TRDMT1: variants seen among roughly 807,000 people sequenced by gnomAD.
The protein encoded by TRDMT1 is tRNA (cytosine(38)-C(5))-methyltransferase.
In TRDMT1, 49 loss-of-function variants were observed where a neutral mutation model predicts 51.2. The observed-to-expected ratio is 0.96, with a 90% CI of 0.76 to 1.21. The LOEUF (loss-of-function observed/expected upper bound fraction) is 1.21, where lower values mean the gene tolerates loss of function less well. Among genes scored for constraint, TRDMT1 ranks in the 50% most tolerant of loss-of-function variants. The pLI is 0.00. For synonymous variants in TRDMT1, 187 were observed against 164.6 expected (o/e 1.14, Z -1.04); for missense variants, 534 against 462.3 (o/e 1.16, Z -1.42).
At chr10:17,195,953 C>T (rs1330994818) in intron 1 of TRDMT1, among the ~76,000 whole-genome samples, 2 of 151,932 alleles carry the variant, frequency 1.3e-5, no homozygotes, top group African/African-American at 4.8e-5. Context: ...AAAAATTAAG[C>T]GGTTCATAGG....
At position 17,145,437 on chromosome 10, in the gene TRDMT1, T is replaced by G. The variant is rs1308292040; in HGVS notation, c.*3603A>C. ...GAAGAGATTAACTAGTAGACAGAGG[T>G]CCAAAGGCCATGTCTTTAAAAATTA... On this transcript the variant is annotated 3_prime_UTR_variant, in exon 11 of 11. Transcript: ENST00000377799. The G allele has an allele frequency of 1.5e-5, 15 of 985,054 alleles. No homozygotes were observed. The highest frequency in any genetic ancestry group is 1.8e-5 in the Non-Finnish European group (15 of 829,878). 61.0% of individuals were successfully genotyped at this position (985,054 alleles called of 1,614,324 possible). A position where few individuals can be genotyped will look rare whatever the true frequency, so the allele number is the denominator to read the frequency against.
chr10:17,151,315 T>A, intron 10 of TRDMT1: 1 of 985,370 alleles, frequency 1.0e-6, no homozygotes, highest in African/African-American at 1.7e-5. Flanking sequence ...AAACATGGGA[T>A]GAACAAGGTC....
intron 1 of TRDMT1, among the ~76,000 whole-genome samples, chr10:17,185,777 AC>A (rs1356202810): frequency 6.6e-6 from 1 of 152,054 alleles, no homozygotes; most frequent in African/African-American, 2.4e-5. Context: ...GAAGCTGGAA[AC>A]CATCAATCTC....
intron 1 of TRDMT1, among the ~76,000 whole-genome samples, chr10:17,177,999 T>C (rs1231582435): frequency 6.6e-6 from 1 of 152,224 alleles, no homozygotes; most frequent in African/African-American, 2.4e-5. Context: ...TTAGATAATA[T>C]AATGCAGTTT....
intron 1 of TRDMT1, among the ~76,000 whole-genome samples, chr10:17,185,047 C>G (rs568312591): frequency 6.6e-6 from 1 of 152,088 alleles, no homozygotes; most frequent in Non-Finnish European, 1.5e-5. Flanking sequence ...AGTATCTTCA[C>G]CTATTAAGAG....
intron 1 of TRDMT1, among the ~76,000 whole-genome samples, chr10:17,179,270 C>T (rs1842984407): frequency 6.6e-6 from 1 of 152,056 alleles, no homozygotes; most frequent in African/African-American, 2.4e-5. Flanking sequence ...TCGCACCAGC[C>T]CTGAAGCTTT....
chr10:17,160,652 T>C (rs561670242), intron 5 of TRDMT1, among the ~76,000 whole-genome samples: 1 of 152,178 alleles, frequency 6.6e-6, no homozygotes, highest in East Asian at 1.9e-4. Context: ...TTTGTATTTT[T>C]AGTAGATACA....
At chr10:17,177,256 G>A (rs1842736477) in intron 1 of TRDMT1, among the ~76,000 whole-genome samples, 1 of 150,890 alleles carries the variant, frequency 6.6e-6, no homozygotes, top group Non-Finnish European at 1.5e-5. Flanking sequence ...GAGTTCAGTG[G>A]CATGATCTCG....
intron 8 of TRDMT1, among the ~76,000 whole-genome samples, chr10:17,155,367 T>C (rs1289976306): frequency 6.6e-6 from 1 of 152,222 alleles, no homozygotes; most frequent in Non-Finnish European, 1.5e-5. Context: ...GGATGCACTT[T>C]ATATTCAAAT....
In TRDMT1 at chr10:17,154,677, C is replaced by G. The variant is rs775577463; in HGVS notation, c.945G>C (p.Gln315His). The G allele has an allele frequency of 1.9e-6, 3 of 1,595,670 alleles. No individual in the cohort carries two copies. Among genetic ancestry groups the G allele is most frequent in the African/African-American group, 1.4e-5 (1 of 73,876 alleles). The change falls in exon 9 of 11, where the codon CAG becomes CAC. Residue 315 changes from glutamine (Q) to histidine (H), a missense_variant and splice_region_variant. Coordinates refer to ENST00000377799, the MANE Select transcript of TRDMT1 (RefSeq NM_004412.7). ...TTTAGCTTTAAAACATGCATAGTAC[C>G]TGCACATCCTCTGCAGTCTGTAACA... ...GSVLQTAEDV[Q>H]VENIYKSLTN...
Position 17,144,120 on chromosome 10 carries a change from G to A in TRDMT1, c.*4920C>T, listed in dbSNP as rs533296413. 1.3e-5 allele frequency: 13 copies of A among 985,312 alleles called. No homozygotes were observed. Among genetic ancestry groups the A allele is most frequent in the South Asian group, 9.4e-5 (2 of 21,278 alleles). The allele number at this position is 985,312 out of a possible 1,614,324, so 61.0% of individuals were successfully genotyped here. A position where few individuals can be genotyped will look rare whatever the true frequency, so the allele number is the denominator to read the frequency against. ...GAAGGGTAGAAAGAGACCTGAGGAC[G>A]GAACCTTCAGATAAGTCAGCTCCAA... is the stretch of plus-strand genomic sequence containing the variant. On this transcript the variant is annotated 3_prime_UTR_variant, in exon 11 of 11. Coordinates refer to ENST00000377799, the MANE Select transcript of TRDMT1 (RefSeq NM_004412.7).
intron 3 of TRDMT1, 119 bp from the exon 4 acceptor site, chr10:17,162,356 A>G (rs565157168): frequency 3.5e-5 from 31 of 897,530 alleles, no homozygotes; most frequent in Non-Finnish European, 4.9e-5. Context: ...GTTGGTCCTC[A>G]CAAAAAATAG....
At chr10:17,198,139 CTAT>C (rs1235203988) in intron 1 of TRDMT1, among the ~76,000 whole-genome samples, 1 of 152,054 alleles carries the variant, frequency 6.6e-6, no homozygotes. Context: ...ATCAGAATGG[CTAT>C]TATTTTTAAA....
intron 1 of TRDMT1, among the ~76,000 whole-genome samples, chr10:17,196,666 A>G (rs1259956588): frequency 6.6e-6 from 1 of 152,244 alleles, no homozygotes; most frequent in African/African-American, 2.4e-5. Context: ...TACTGTGGCC[A>G]TCTAGAATCT....
At chr10:17,149,922 G>A (rs571879197) in intron 10 of TRDMT1, among the ~76,000 whole-genome samples, 23 of 152,128 alleles carry the variant, frequency 1.5e-4, no homozygotes, top group African/African-American at 5.3e-4. Context: ...TTTGGCTGTT[G>A]AGAATAATGC....
In TRDMT1 at chr10:17,143,208, T is replaced by G; in HGVS notation, c.*5832A>C. ...CTTTCTATGTAGCTTCAATATTGATTCCAGTATGGTTCCTACATTCACTCA... is the reference window on the plus strand; with the variant it reads ...CTTTCTATGTAGCTTCAATATTGATGCCAGTATGGTTCCTACATTCACTCA... On this transcript the variant is annotated 3_prime_UTR_variant, in exon 11 of 11. Transcript: ENST00000377799. 1.0e-6 allele frequency: 1 copy of G among 985,474 alleles called. No homozygotes were observed. The highest frequency in any genetic ancestry group is 1.2e-6 in the Non-Finnish European group (1 of 829,942). 61.0% of individuals were successfully genotyped at this position (985,474 alleles called of 1,614,324 possible). A position where few individuals can be genotyped will look rare whatever the true frequency, so the allele number is the denominator to read the frequency against.
intron 1 of TRDMT1, among the ~76,000 whole-genome samples, chr10:17,176,215 T>C (rs74636841): frequency 0.031 from 4,657 of 152,314 alleles, 223 homozygotes; most frequent in African/African-American, 0.11. Context: ...TAAACTTCAT[T>C]GTACTATTTT....
In TRDMT1 at chr10:17,140,273, C is replaced by T. The variant is rs1417554000; in HGVS notation, c.*8767G>A. Among the ~76,000 whole-genome samples the T allele has an allele frequency of 6.9e-6, 1 of 145,504 alleles. No individual in the cohort carries two copies. The highest frequency in any genetic ancestry group is 1.5e-5 in the Non-Finnish European group (1 of 66,866). ...AGGGTTTTATCATGGCCAGGCTGGT[C>T]TTGAACTCCTGACCTCATGGTCCGT... On this transcript the variant is annotated 3_prime_UTR_variant, in exon 11 of 11. Coordinates refer to ENST00000377799, the MANE Select transcript of TRDMT1 (RefSeq NM_004412.7).
chr10:17,180,717 G>A (rs983598184), intron 1 of TRDMT1, among the ~76,000 whole-genome samples: 1 of 152,078 alleles, frequency 6.6e-6, no homozygotes, highest in Admixed American at 6.6e-5. Context: ...AAATAGTGCC[G>A]TGCTTTTTTT....
Sources: allele counts gnomAD v4.1 joint callset (sites outside exome capture counted in the v4.1 genomes callset), GRCh38; gene constraint gnomAD v4.1.1; transcripts MANE v1.5; gene names NCBI Gene and HGNC (gene_info 2026-07-23, HGNC 2026-07-21).